The following DLEU7 variants were observed in gnomAD, a reference collection of about 807,000 sequenced individuals.
The protein encoded by DLEU7 is leukemia-associated protein 7.
A neutral mutation model predicts 16.0 loss-of-function variants in DLEU7; 17 were observed. The observed-to-expected ratio is 1.06, with a 90% CI of 0.73 to 1.59. The LOEUF is 1.59. DLEU7 is among the 40% of genes most tolerant of loss of function. The pLI, the probability that DLEU7 is intolerant of heterozygous loss-of-function variation, is 0.00. For missense variants in DLEU7, 308 were observed against 314.9 expected (o/e 0.98, Z 0.17); for synonymous variants, 113 against 139.8 (o/e 0.81, Z 1.35).
At chr13:50,833,710 C>T (rs898136242) in intron 1 of DLEU7, among the ~76,000 whole-genome samples, 4 of 151,980 alleles carry the variant, frequency 2.6e-5, no homozygotes, top group South Asian at 2.1e-4. Context: ...CATATGGAAC[C>T]GAAAAGAGCC....
chr13:50,755,150 C>A (rs1445466182), intron 1 of DLEU7, among the ~76,000 whole-genome samples: 4 of 152,104 alleles, frequency 2.6e-5, no homozygotes, highest in Admixed American at 2.0e-4. Flanking sequence ...CTTTAGATAC[C>A]CTGATGACAA....
intron 1 of DLEU7, among the ~76,000 whole-genome samples, chr13:50,734,679 C>T (rs1048999821): frequency 3.3e-5 from 5 of 151,822 alleles, no homozygotes; most frequent in East Asian, 3.9e-4. Context: ...AAGATGAGGA[C>T]GAAGTAAAGG....
intron 1 of DLEU7, among the ~76,000 whole-genome samples, chr13:50,746,818 C>A (rs1169905024): frequency 6.6e-6 from 1 of 152,150 alleles, no homozygotes; most frequent in East Asian, 1.9e-4. Context: ...AAAAAAGGAT[C>A]AGCATTCAAA....
chr13:50,719,905 G>T (rs1873548286), intron 1 of DLEU7, among the ~76,000 whole-genome samples: 1 of 152,190 alleles, frequency 6.6e-6, no homozygotes, highest in African/African-American at 2.4e-5. Context: ...GCCTAGAGAA[G>T]CATGCTAAAA....
chr13:50,766,415 T>C (rs1045321846), intron 1 of DLEU7, among the ~76,000 whole-genome samples: 2 of 152,198 alleles, frequency 1.3e-5, no homozygotes, highest in African/African-American at 4.8e-5. Flanking sequence ...ACTCCTAGTA[T>C]GTCTGCTTTG....
At chr13:50,810,510 A>G (rs899227911) in intron 1 of DLEU7, among the ~76,000 whole-genome samples, 5 of 152,192 alleles carry the variant, frequency 3.3e-5, no homozygotes, top group Non-Finnish European at 5.9e-5. Context: ...GCCTCAAAAT[A>G]AAGGATAAAG....
At chr13:50,766,225 AAAG>A (rs1376233368) in intron 1 of DLEU7, among the ~76,000 whole-genome samples, 2 of 152,190 alleles carry the variant, frequency 1.3e-5, no homozygotes, top group Non-Finnish European at 2.9e-5. Flanking sequence ...GATGCTGTTT[AAAG>A]AAGGATACTG....
rs183728807 is a variant in DLEU7 at position 50,837,724 on chromosome 13, G to T, written c.459+5464C>A. Reference sequence around the variant, plus strand: ...TTGTTCAGAGGAAGACATTGATGATGAGTGCTTTTTTCGCCAATAGGAAAA... The same window carrying T: ...TTGTTCAGAGGAAGACATTGATGATTAGTGCTTTTTTCGCCAATAGGAAAA... On this transcript the variant is annotated intron_variant, in intron 1 of 1. Transcript: ENST00000504404. Among the ~76,000 whole-genome samples, 6 of 152,298 alleles carry T rather than the reference G, an allele frequency of 3.9e-5. No homozygotes were observed. In the East Asian group the frequency reaches 1.2e-3, roughly 29 times the overall value.
chr13:50,821,721 G>C (rs964702405), downstream of DLEU7, among the ~76,000 whole-genome samples: 1 of 124,874 alleles, frequency 8.0e-6, no homozygotes, highest in Admixed American at 8.1e-5. Flanking sequence ...TCACTATTTC[G>C]TTGGGTAAGG....
intron 1 of DLEU7, among the ~76,000 whole-genome samples, chr13:50,720,309 C>G (rs140128852): frequency 7.2e-4 from 110 of 152,258 alleles, no homozygotes; most frequent in African/African-American, 2.6e-3. Context: ...TCCTTTCTTC[C>G]CTTCCTTCTT....
Position 50,811,399 on chromosome 13 carries a change from GC to G in DLEU7, c.459+31788del, listed in dbSNP as rs147958855. Reference sequence around the variant, plus strand: ...GTCCTCAGGCCTCCAGCAATCCATGGCTTTACTGAGAGCTTTCTCCTCTATA... The same window carrying G: ...GTCCTCAGGCCTCCAGCAATCCATGGTTTACTGAGAGCTTTCTCCTCTATA... On this transcript the variant is annotated intron_variant, in intron 1 of 1. Transcript: ENST00000400393. Among the ~76,000 whole-genome samples the G allele has an allele frequency of 3.8e-3, 573 of 152,148 alleles. 5 individuals are homozygous for G. Among genetic ancestry groups the G allele is most frequent in the African/African-American group, 0.013 (534 of 41,532 alleles).
chr13:50,797,985 A>G (rs144973599), intron 1 of DLEU7, among the ~76,000 whole-genome samples: 3 of 152,316 alleles, frequency 2.0e-5, no homozygotes, highest in African/African-American at 2.4e-5. Context: ...TTAACTAAGA[A>G]GTTCACAGTC....
intron 1 of DLEU7, among the ~76,000 whole-genome samples, chr13:50,748,584 C>T (rs1443954037): frequency 1.3e-5 from 2 of 151,982 alleles, no homozygotes; most frequent in Non-Finnish European, 1.5e-5. Flanking sequence ...CCTCAGGTGA[C>T]GGTCCTACCT....
intron 1 of DLEU7, among the ~76,000 whole-genome samples, chr13:50,804,357 A>T (rs1876331948): frequency 6.6e-6 from 1 of 151,518 alleles, no homozygotes; most frequent in African/African-American, 2.4e-5. Flanking sequence ...ATATACTTTT[A>T]TATCTGTTCA....
At chr13:50,753,249 G>T (rs1242849464) in intron 1 of DLEU7, among the ~76,000 whole-genome samples, 1 of 152,258 alleles carries the variant, frequency 6.6e-6, no homozygotes, top group Non-Finnish European at 1.5e-5. Context: ...GATTCACCCA[G>T]TGGATCCCGC....
intron 1 of DLEU7, among the ~76,000 whole-genome samples, chr13:50,731,347 C>G (rs1416106181): frequency 6.6e-6 from 1 of 152,218 alleles, no homozygotes; most frequent in Non-Finnish European, 1.5e-5. Context: ...AACTTGTAGT[C>G]AAGGCCCTCC....
In DLEU7 at chr13:50,823,269, T is replaced by G. The variant is rs1566264122; in HGVS notation, c.*45A>C. The G allele has an allele frequency of 6.5e-7, 1 of 1,531,202 alleles. No homozygotes were observed. Among genetic ancestry groups the G allele is most frequent in the East Asian group, 2.5e-5 (1 of 40,784 alleles). 94.9% of individuals were successfully genotyped at this position (1,531,202 alleles called of 1,614,324 possible). A position where few individuals can be genotyped will look rare whatever the true frequency, so the allele number is the denominator to read the frequency against. ...ATTAGGAAGGTAAGGTATCTGGTTC[T>G]CTTAACAGTGCTGGCTGTGGTTTTA... On this transcript the variant is annotated 3_prime_UTR_variant, in exon 2 of 2. Coordinates refer to ENST00000504404, the MANE Select transcript of DLEU7 (RefSeq NM_001306135.2).
chr13:50,757,304 G>A (rs1338894491), intron 1 of DLEU7, among the ~76,000 whole-genome samples: 3 of 152,284 alleles, frequency 2.0e-5, no homozygotes, highest in Admixed American at 2.0e-4. Flanking sequence ...AAGTGAGGCA[G>A]ACGAACTAGT....
Position 50,826,343 on chromosome 13 carries a change from C to T in DLEU7, c.460-2823G>A, listed in dbSNP as rs564711062. Among the ~76,000 whole-genome samples the T allele has an allele frequency of 3.9e-5, 6 of 152,056 alleles. 1 individual carries two copies. Among genetic ancestry groups the T allele is most frequent in the South Asian group, 4.2e-4 (2 of 4,812 alleles). The stretch of plus-strand genomic sequence containing the variant: ...GATATAGAAGAAGAAATCAGAAAAG[C>T]GTTTTAAGAAAAAACAGGCTTGCAA... On this transcript the variant is annotated intron_variant, in intron 1 of 1. Transcript: ENST00000504404.
Sources: allele counts gnomAD v4.1 joint callset (sites outside exome capture counted in the v4.1 genomes callset), GRCh38; gene constraint gnomAD v4.1.1; transcripts MANE v1.5; gene names NCBI Gene and HGNC (gene_info 2026-07-23, HGNC 2026-07-21).